Variants in FBXO17 observed in about 807,000 individuals in gnomAD.
The protein encoded by FBXO17 is F-box protein 17.
In FBXO17, 43 loss-of-function variants were observed where a neutral mutation model predicts 34.1. That is an observed-to-expected ratio of 1.26 (90% CI 0.99 to 1.62). The LOEUF is 1.62. FBXO17 is among the 40% of genes most tolerant of loss of function. The probability of loss-of-function intolerance (pLI) is 0.00; values close to 1 mark genes in which losing one functional copy is unlikely to be tolerated. For missense variants in FBXO17, 424 were observed against 386.7 expected, an observed-to-expected ratio of 1.10 and a Z score of -0.81; for synonymous variants, 169 against 166.0, an observed-to-expected ratio of 1.02 and a Z score of -0.14.
chr19:38,946,672 G>A, intron 3 of FBXO17, 105 bp from the exon 4 acceptor site: 1 of 1,503,306 alleles, frequency 6.7e-7, no homozygotes, highest in Non-Finnish European at 9.0e-7. Context: ...CCTCTCTAAA[G>A]CAGCCCTCAG....
At chr19:38,969,779 G>A (rs1450325018) in intron 1 of FBXO17, among the ~76,000 whole-genome samples, 1 of 151,916 alleles carries the variant, frequency 6.6e-6, no homozygotes, top group African/African-American at 2.4e-5. Flanking sequence ...TGTATTTTTA[G>A]TAGAGACAGG....
chr19:38,951,355 TG>T (rs1478134804), intron 1 of FBXO17, among the ~76,000 whole-genome samples: 4 of 151,670 alleles, frequency 2.6e-5, no homozygotes, highest in Admixed American at 1.3e-4. Flanking sequence ...TTTATTGTTT[TG>T]TAGAGATGGG....
intron 1 of FBXO17, among the ~76,000 whole-genome samples, chr19:38,966,470 C>T (rs1317948844): frequency 1.3e-5 from 2 of 152,054 alleles, no homozygotes; most frequent in African/African-American, 4.8e-5. Flanking sequence ...AACAAGGGAC[C>T]TTGCATTTTC....
At chr19:38,967,948 G>A (rs1056036794) in intron 1 of FBXO17, among the ~76,000 whole-genome samples, 2 of 152,128 alleles carry the variant, frequency 1.3e-5, no homozygotes, top group Non-Finnish European at 2.9e-5. Flanking sequence ...ATACTGACAG[G>A]TGTAGTCGAG....
intron 5 of FBXO17, among the ~76,000 whole-genome samples, chr19:38,943,915 A>G (rs1974932591): frequency 6.6e-6 from 1 of 152,068 alleles, no homozygotes; most frequent in African/African-American, 2.4e-5. Context: ...AAAGTGTACA[A>G]TTCAGTGGTT....
intron 2 of FBXO17, 106 bp from the exon 3 acceptor site, chr19:38,948,784 T>C (rs1293830962): frequency 2.3e-6 from 2 of 875,694 alleles, no homozygotes; most frequent in Non-Finnish European, 3.6e-6. Context: ...CCTCTTGTGC[T>C]CCAATCCTCC....
chr19:38,966,342 T>G (rs1975321920), intron 1 of FBXO17, among the ~76,000 whole-genome samples: 1 of 139,344 alleles, frequency 7.2e-6, no homozygotes, highest in African/African-American at 2.6e-5. Context: ...CTCACTATGT[T>G]GCCCAGGTTG....
Position 38,950,123 on chromosome 19 carries a change from T to A in FBXO17, c.197A>T (p.Asp66Val). ...GAGTGCGCGGCCCTCGGCGCTGCGG[T>A]CGCGGGCCAGCTGCAGCAGCCACAC... is the stretch of plus-strand genomic sequence containing the variant. ...PTVWLLQLAR[D>V]RSAEGRALYA... The change falls in exon 2 of 6, where the codon GAC becomes GTC. Residue 66 changes from aspartate (D) to valine (V), a missense_variant. Transcript: ENST00000292852. 6.4e-7 allele frequency: 1 copy of A among 1,561,002 alleles called. No homozygotes were observed. The highest frequency in any genetic ancestry group is 8.6e-7 in the Non-Finnish European group (1 of 1,156,804).
rs184049690 is a variant in FBXO17 at position 38,954,989 on chromosome 19, G to A, written c.-17-4653C>T. Among the ~76,000 whole-genome samples, 681 of 150,314 alleles carry A rather than the reference G, an allele frequency of 4.5e-3. 5 individuals are homozygous for A. Among genetic ancestry groups the A allele is most frequent in the African/African-American group, 0.015 (603 of 40,964 alleles). ...TCTGTTGCCCAGCCTGGAATGCAGT[G>A]GTGCGATGTCGGCTCACTGCAAGCT... On this transcript the variant is annotated intron_variant, in intron 1 of 5. Transcript: ENST00000292852.
rs1028354236 is a variant in FBXO17, at chr19:38,941,684, G to A, written c.*924C>T. The A allele has an allele frequency of 1.3e-5, 2 of 152,170 alleles. No homozygotes were observed. Among genetic ancestry groups the A allele is most frequent in the African/African-American group, 4.8e-5 (2 of 41,424 alleles). 9.4% of individuals were successfully genotyped at this position (152,170 alleles called of 1,614,324 possible). On this transcript the variant is annotated 3_prime_UTR_variant, in exon 6 of 6. Coordinates refer to ENST00000292852, the MANE Select transcript of FBXO17 (RefSeq NM_024907.7). ...TTTAAGCGGTTTTCCGCCCTGGGTG[G>A]GCCAGGTGTTCCTCGCCCTCGTTCC...
intron 1 of FBXO17, among the ~76,000 whole-genome samples, chr19:38,972,607 G>A (rs145442925): frequency 6.7e-6 from 1 of 150,092 alleles, no homozygotes; most frequent in African/African-American, 2.4e-5. Context: ...CATAGTTTGT[G>A]CTACTGTATA....
Position 38,946,562 on chromosome 19 carries a change from C to T in FBXO17, c.467G>A (p.Cys156Tyr). ...QTCFVTSFEWCSKRQLVDLVM... is the reference protein window; with the variant it reads ...QTCFVTSFEWYSKRQLVDLVM... ...CAGGTCCACAAGCTGCCTCTTGGAGCACCATCTGGGAAGGAGAGATGGCAG... is the reference window on the plus strand; with the variant it reads ...CAGGTCCACAAGCTGCCTCTTGGAGTACCATCTGGGAAGGAGAGATGGCAG... Residue 156 changes from cysteine to tyrosine, a missense_variant, in exon 4 of 6, where the codon TGC becomes TAC. By Grantham distance (194) the Cys-to-Tyr change is radical. Transcript: ENST00000292852. 2 of 1,613,986 alleles carry T rather than the reference C, an allele frequency of 1.2e-6. No homozygotes were observed. The highest frequency in any genetic ancestry group is 8.5e-7 in the Non-Finnish European group (1 of 1,179,920).
chr19:38,967,757 G>A (rs1440300210), intron 1 of FBXO17, among the ~76,000 whole-genome samples: 2 of 151,862 alleles, frequency 1.3e-5, no homozygotes, highest in Non-Finnish European at 2.9e-5. Flanking sequence ...TATAGAGATG[G>A]GTCTTCCTAT....
chr19:38,968,814 ATGTGC>A (rs1289970217), intron 1 of FBXO17, among the ~76,000 whole-genome samples: 2 of 152,222 alleles, frequency 1.3e-5, no homozygotes, highest in African/African-American at 4.8e-5. Context: ...ATATTATATG[ATGTGC>A]TTCTATGAAA....
At chr19:38,949,344 C>T (rs571300387) in intron 2 of FBXO17, among the ~76,000 whole-genome samples, 5 of 152,258 alleles carry the variant, frequency 3.3e-5, no homozygotes, top group African/African-American at 9.6e-5. Flanking sequence ...AAGTGATCTG[C>T]CCCCTCGGGC....
At chr19:38,952,654 C>T (rs373337618) in intron 1 of FBXO17, 81 of 533,596 alleles carry the variant, frequency 1.5e-4, no homozygotes, top group South Asian at 4.5e-4. Context: ...CGGCCGCTCC[C>T]GCTGCTCTTA....
chr19:38,944,239 AGACTTCTGATCT>A (rs1456635537), intron 5 of FBXO17, among the ~76,000 whole-genome samples: 2 of 138,270 alleles, frequency 1.4e-5, no homozygotes, highest in African/African-American at 5.5e-5. Context: ...ACAAGCAGTG[AGACTTCTGATCT>A]GACTCATTAT....
intron 1 of FBXO17, among the ~76,000 whole-genome samples, chr19:38,958,105 C>CAAA (rs74920933): frequency 1.0e-5 from 1 of 100,230 alleles, no homozygotes; most frequent in Non-Finnish European, 2.1e-5. Flanking sequence ...GATCCTGCCT[C>CAAA]AAAAAAAAAA....
At chr19:38,974,933 A>C (rs1192858293) in intron 1 of FBXO17, among the ~76,000 whole-genome samples, 2 of 152,126 alleles carry the variant, frequency 1.3e-5, no homozygotes, top group Non-Finnish European at 2.9e-5. Context: ...AAGAAGTATT[A>C]TTTATTTTAC....
Sources: allele counts gnomAD v4.1 joint callset (sites outside exome capture counted in the v4.1 genomes callset), GRCh38; gene constraint gnomAD v4.1.1; transcripts MANE v1.5; gene names NCBI Gene and HGNC (gene_info 2026-07-23, HGNC 2026-07-21).